Variants in CSMD1 observed in about 807,000 individuals in gnomAD.
The protein encoded by CSMD1 is CUB and sushi domain-containing protein 1.
Under a neutral mutation model 417.5 loss-of-function variants are expected in CSMD1, and 213 were observed. The ratio of observed to expected loss-of-function variants is 0.51; its 90% CI spans 0.46 to 0.57. The LOEUF (loss-of-function observed/expected upper bound fraction) is 0.57, where lower values mean the gene tolerates loss of function less well. Ranked by LOEUF, CSMD1 falls within the 20% of genes least tolerant of loss-of-function variation. The pLI, the probability that CSMD1 is intolerant of heterozygous loss-of-function variation, is 0.00. For missense variants in CSMD1, 6,923 were observed against 4,529.7 expected, an observed-to-expected ratio of 1.53 and a Z score of -15.17; for synonymous variants, 2,862 against 1,736.8, an observed-to-expected ratio of 1.65 and a Z score of -16.11.
chr8:4,087,337 G>A (rs906977672), intron 3 of CSMD1, among the ~76,000 whole-genome samples: 3 of 152,108 alleles, frequency 2.0e-5, no homozygotes, highest in Non-Finnish European at 4.4e-5. Context: ...ACTCCCCAGG[G>A]AACCACTTGC....
chr8:3,329,814 C>T (rs990885692), intron 23 of CSMD1, among the ~76,000 whole-genome samples: 1 of 152,288 alleles, frequency 6.6e-6, no homozygotes. Flanking sequence ...TCCTTGTCTG[C>T]TAGGGGCTAA....
intron 3 of CSMD1, among the ~76,000 whole-genome samples, chr8:4,402,955 G>A (rs1402168985): frequency 6.6e-5 from 10 of 151,622 alleles, no homozygotes; most frequent in African/African-American, 2.4e-4. Context: ...GAGTAGCTGG[G>A]ACTACAGGTA....
chr8:4,823,245 A>T (rs1374406257), intron 1 of CSMD1, among the ~76,000 whole-genome samples: 3 of 152,002 alleles, frequency 2.0e-5, no homozygotes, highest in African/African-American at 7.2e-5. Context: ...CCTAATTCTT[A>T]TGCTTGTGTT....
intron 10 of CSMD1, among the ~76,000 whole-genome samples, chr8:3,512,177 A>G (rs1006273315): frequency 6.6e-6 from 1 of 152,140 alleles, no homozygotes; most frequent in African/African-American, 2.4e-5. Flanking sequence ...ATTTCTTACT[A>G]TCCTGGCACA....
At chr8:4,745,906 A>C (rs1312697263) in intron 1 of CSMD1, among the ~76,000 whole-genome samples, 14 of 152,210 alleles carry the variant, frequency 9.2e-5, no homozygotes, top group Non-Finnish European at 1.8e-4. Flanking sequence ...CTTCCGTGCA[A>C]TCAAGTCAGC....
At chr8:3,533,660 T>G (rs1328500946) in intron 10 of CSMD1, among the ~76,000 whole-genome samples, 1 of 152,158 alleles carries the variant, frequency 6.6e-6, no homozygotes, top group Non-Finnish European at 1.5e-5. Flanking sequence ...GGGAGGCCCA[T>G]GAGCTTCACT....
chr8:3,171,340 A>C (rs1412011792), intron 37 of CSMD1, among the ~76,000 whole-genome samples: 3 of 152,242 alleles, frequency 2.0e-5, no homozygotes, highest in Non-Finnish European at 2.9e-5. Flanking sequence ...CAAGCAGCCC[A>C]GCCTGATTTC....
chr8:4,272,337 AG>A (rs1452924174), intron 3 of CSMD1, among the ~76,000 whole-genome samples: 2 of 152,190 alleles, frequency 1.3e-5, no homozygotes, highest in African/African-American at 2.4e-5. Context: ...ATTGAACAAA[AG>A]CATGTTATTC....
At chr8:3,177,088 A>G (rs931470237) in intron 37 of CSMD1, among the ~76,000 whole-genome samples, 1 of 152,250 alleles carries the variant, frequency 6.6e-6, no homozygotes, top group African/African-American at 2.4e-5. Flanking sequence ...TGGTGACCTC[A>G]TTTCTAAAGG....
At chr8:4,446,458 C>T (rs999072561) in intron 2 of CSMD1, among the ~76,000 whole-genome samples, 3 of 151,938 alleles carry the variant, frequency 2.0e-5, no homozygotes, top group Admixed American at 6.6e-5. Context: ...TGAGGTGGGA[C>T]GATCACCGAA....
chr8:4,305,744 C>T lies in CSMD1; in HGVS notation c.415+114209G>A, dbSNP rs536535460. 2.8e-4 allele frequency among the ~76,000 whole-genome samples: 42 copies of T among 152,232 alleles called. No homozygotes were observed. In the South Asian group the frequency reaches 8.3e-3, roughly 30 times the overall value. On this transcript the variant is annotated intron_variant, in intron 3 of 69. Transcript: ENST00000635120. ...TTGCATGTACAGATGCCACACCAGC[C>T]GTAGACACTACTGATCTGTATTTTA...
intron 3 of CSMD1, among the ~76,000 whole-genome samples, chr8:4,212,094 G>T (rs147403211): frequency 2.0e-5 from 3 of 151,478 alleles, no homozygotes; most frequent in Non-Finnish European, 4.4e-5. Flanking sequence ...TCAACGGAAC[G>T]TAAAAGTCAT....
At chr8:4,226,746 G>A (rs1801384318) in intron 3 of CSMD1, among the ~76,000 whole-genome samples, 1 of 152,020 alleles carries the variant, frequency 6.6e-6, no homozygotes, top group South Asian at 2.1e-4. Context: ...CAGTTAACCT[G>A]GCACTGAGCT....
intron 5 of CSMD1, among the ~76,000 whole-genome samples, chr8:3,977,188 C>G (rs1048345313): frequency 6.6e-6 from 1 of 152,116 alleles, no homozygotes; most frequent in Non-Finnish European, 1.5e-5. Context: ...TTCCATTTCC[C>G]TGGGATCACA....
chr8:3,236,266 G>A (rs1357240854), intron 26 of CSMD1, among the ~76,000 whole-genome samples: 2 of 152,050 alleles, frequency 1.3e-5, no homozygotes, highest in Non-Finnish European at 2.9e-5. Context: ...TAGAGCTAAT[G>A]TATATATCTG....
At chr8:4,113,563 C>T (rs567318965) in intron 3 of CSMD1, among the ~76,000 whole-genome samples, 178 of 152,164 alleles carry the variant, frequency 1.2e-3, no homozygotes, top group African/African-American at 4.1e-3. Flanking sequence ...TGCCAGCACA[C>T]CTGGCTAATT....
intron 5 of CSMD1, among the ~76,000 whole-genome samples, chr8:3,899,656 C>T (rs1228292186): frequency 6.6e-6 from 1 of 152,114 alleles, no homozygotes; most frequent in African/African-American, 2.4e-5. Context: ...AGAAACTAGA[C>T]AAGAAGGTGG....
At chr8:4,254,432 T>C (rs1327705349) in intron 3 of CSMD1, among the ~76,000 whole-genome samples, 1 of 152,172 alleles carries the variant, frequency 6.6e-6, no homozygotes, top group Non-Finnish European at 1.5e-5. Context: ...TAGATTATAG[T>C]GGAGCTGAAC....
intron 25 of CSMD1, among the ~76,000 whole-genome samples, chr8:3,301,261 G>A (rs560865938): frequency 1.3e-5 from 2 of 152,116 alleles, no homozygotes; most frequent in African/African-American, 2.4e-5. Context: ...AGGGTGGTCA[G>A]TGGAAACCTG....
Sources: gnomAD v4.1 joint callset for allele counts (sites outside exome capture counted in the v4.1 genomes callset) on GRCh38, gnomAD v4.1.1 for gene constraint, MANE v1.5 for transcripts, NCBI Gene and HGNC (gene_info 2026-07-23, HGNC 2026-07-21) for gene names.